CERKL: variants seen among roughly 807,000 people sequenced by gnomAD.
The protein encoded by CERKL is ceramide kinase-like protein.
Under a neutral mutation model 63.4 loss-of-function variants are expected in CERKL, and 61 were observed. The observed-to-expected ratio is 0.96, with a 90% CI of 0.78 to 1.19. CERKL has a LOEUF of 1.19. Among genes scored for constraint, CERKL ranks in the 50% most tolerant of loss-of-function variants. CERKL has a pLI of 0.00. For missense variants in CERKL, 675 were observed against 655.5 expected (o/e 1.03, Z -0.33); for synonymous variants, 250 against 230.5 (o/e 1.08, Z -0.77).
chr2:181,572,108 C>A (rs950542748), intron 3 of CERKL, among the ~76,000 whole-genome samples: 1 of 151,988 alleles, frequency 6.6e-6, no homozygotes, highest in Non-Finnish European at 1.5e-5. Flanking sequence ...CATACACACA[C>A]TCTCTCTCTC....
intron 2 of CERKL, among the ~76,000 whole-genome samples, chr2:181,578,127 A>G (rs1684331615): frequency 6.6e-6 from 1 of 152,152 alleles, no homozygotes; most frequent in Admixed American, 6.5e-5. Context: ...CTTCTTGCAC[A>G]ACAATCACTG....
intron 2 of CERKL, among the ~76,000 whole-genome samples, chr2:181,597,758 T>C (rs16867454): frequency 0.37 from 56,308 of 152,006 alleles, 13,665 homozygotes; most frequent in African/African-American, 0.68. Context: ...AGGGATTCTC[T>C]ACCCTTGAGT....
intron 1 of CERKL, among the ~76,000 whole-genome samples, chr2:181,651,476 C>A (rs1037636305): frequency 6.6e-6 from 1 of 152,128 alleles, no homozygotes; most frequent in African/African-American, 2.4e-5. Context: ...GGCATAATTT[C>A]ATGATTAAAA....
chr2:181,626,455 G>C (rs1225950806), intron 1 of CERKL, among the ~76,000 whole-genome samples: 2 of 152,140 alleles, frequency 1.3e-5, no homozygotes, highest in Non-Finnish European at 2.9e-5. Flanking sequence ...GATGCCACAT[G>C]CCTAATTGTA....
intron 3 of CERKL, among the ~76,000 whole-genome samples, chr2:181,568,661 G>T (rs1688764027): frequency 7.1e-6 from 1 of 141,350 alleles, no homozygotes; most frequent in South Asian, 2.4e-4. Flanking sequence ...ATGCTCATTG[G>T]AGTATTTTCT....
intron 11 of CERKL, among the ~76,000 whole-genome samples, chr2:181,544,026 TATAGGGTTTTACAACC>T (rs1687622849): frequency 6.7e-6 from 1 of 148,786 alleles, no homozygotes; most frequent in Non-Finnish European, 1.5e-5. Flanking sequence ...AGTGTGAAAC[TATAGGGTTTTACAACC>T]ATACCTATGT....
At chr2:181,568,304 C>G (rs959140935) in intron 3 of CERKL, among the ~76,000 whole-genome samples, 14 of 152,104 alleles carry the variant, frequency 9.2e-5, no homozygotes, top group Non-Finnish European at 4.4e-5. Context: ...TTAGTAAGCT[C>G]AAAACAGAAT....
At chr2:181,562,171 T>C (rs1574451339) in intron 4 of CERKL, among the ~76,000 whole-genome samples, 1 of 152,280 alleles carries the variant, frequency 6.6e-6, no homozygotes, top group South Asian at 2.1e-4. Context: ...TCTGCTGACT[T>C]CTAATCTTTC....
chr2:181,603,568 G>A (rs1244997630), intron 2 of CERKL, among the ~76,000 whole-genome samples: 1 of 152,170 alleles, frequency 6.6e-6, no homozygotes, highest in African/African-American at 2.4e-5. Context: ...GGCCATTGGG[G>A]AGTTATTCCT....
At chr2:181,565,761 A>C (rs1397158080) in intron 4 of CERKL, among the ~76,000 whole-genome samples, 1 of 152,158 alleles carries the variant, frequency 6.6e-6, no homozygotes. Flanking sequence ...ATATGGTAAA[A>C]GCAAATAATT....
At chr2:181,605,654 A>T (rs1309539714) in intron 1 of CERKL, among the ~76,000 whole-genome samples, 2 of 152,152 alleles carry the variant, frequency 1.3e-5, no homozygotes, top group African/African-American at 4.8e-5. Context: ...TATTTACAGG[A>T]ATAGAAAAAA....
intron 1 of CERKL, among the ~76,000 whole-genome samples, chr2:181,619,849 G>A (rs1686371486): frequency 6.6e-6 from 1 of 152,130 alleles, no homozygotes; most frequent in Admixed American, 6.6e-5. Flanking sequence ...AGGTTCAAAG[G>A]TCTTTGAAAG....
chr2:181,645,079 C>T (rs1256331714), intron 1 of CERKL, among the ~76,000 whole-genome samples: 1 of 152,126 alleles, frequency 6.6e-6, no homozygotes, highest in Non-Finnish European at 1.5e-5. Context: ...AAAGAGGGAA[C>T]CCAAACAGAC....
chr2:181,536,842 T>TCATAAGAGAG lies in CERKL; in HGVS notation c.*1332_*1341dup, dbSNP rs1559062249. The TCATAAGAGAG allele has an allele frequency of 2.4e-6, 1 of 413,242 alleles. No homozygotes were observed. The highest frequency in any genetic ancestry group is 7.3e-5 in the East Asian group (1 of 13,708). The allele number at this position is 413,242 out of a possible 1,614,324, so 25.6% of individuals were successfully genotyped here. ...AATATCATTTTATCTGACTCTGCCT[T>TCATAAGAGAG]CATAAGAGAGCTGTGGCCGAATTTT... On this transcript the variant is annotated 3_prime_UTR_variant, in exon 13 of 13. Transcript: ENST00000410087.
chr2:181,626,716 A>G (rs1686721206), intron 1 of CERKL, among the ~76,000 whole-genome samples: 1 of 152,264 alleles, frequency 6.6e-6, no homozygotes, highest in Non-Finnish European at 1.5e-5. Context: ...GAGAGTGGGT[A>G]CTGGGGAAAA....
chr2:181,633,756 T>C (rs1687063676), intron 1 of CERKL, among the ~76,000 whole-genome samples: 1 of 152,100 alleles, frequency 6.6e-6, no homozygotes, highest in Non-Finnish European at 1.5e-5. Context: ...ATAGAATGAG[T>C]GTCTTCTTTT....
chr2:181,626,580 G>T (rs543829022), intron 1 of CERKL, among the ~76,000 whole-genome samples: 2 of 152,140 alleles, frequency 1.3e-5, no homozygotes, highest in African/African-American at 4.8e-5. Context: ...TTAAGAACCC[G>T]ACCAAGAAGC....
At chr2:181,643,487 A>G (rs1687536807) in intron 1 of CERKL, among the ~76,000 whole-genome samples, 1 of 152,226 alleles carries the variant, frequency 6.6e-6, no homozygotes, top group African/African-American at 2.4e-5. Flanking sequence ...TCCATTAGGA[A>G]ATTGTGAAGT....
intron 1 of CERKL, among the ~76,000 whole-genome samples, chr2:181,639,674 C>T (rs1240495824): frequency 6.6e-6 from 1 of 152,148 alleles, no homozygotes; most frequent in East Asian, 1.9e-4. Context: ...ACTGGGGAAG[C>T]AACATAACCA....
Sources: allele counts gnomAD v4.1 joint callset (sites outside exome capture counted in the v4.1 genomes callset), GRCh38; gene constraint gnomAD v4.1.1; transcripts MANE v1.5; gene names NCBI Gene and HGNC (gene_info 2026-07-23, HGNC 2026-07-21).